Variants in BBOX1 observed in about 807,000 individuals in gnomAD.
BBOX1 encodes gamma-butyrobetaine hydroxylase 1.
BBOX1 carries 35 observed loss-of-function variants against 41.6 expected under a neutral mutation model. The ratio of observed to expected loss-of-function variants is 0.84; its 90% confidence interval spans 0.64 to 1.11. The LOEUF (loss-of-function observed/expected upper bound fraction) is 1.11, where lower values mean the gene tolerates loss of function less well. BBOX1 is among the 50% of genes most tolerant of loss of function. The probability of loss-of-function intolerance (pLI) is 0.00; values close to 1 mark genes in which losing one functional copy is unlikely to be tolerated. For synonymous variants in BBOX1, 163 were observed against 154.7 expected (o/e 1.05, Z -0.40); for missense variants, 458 against 460.6 (o/e 0.99, Z 0.05).
intron 4 of BBOX1, among the ~76,000 whole-genome samples, chr11:27,071,064 A>T (rs1256727496): frequency 2.0e-5 from 3 of 152,064 alleles, no homozygotes; most frequent in Non-Finnish European, 4.4e-5. Context: ...TTCTTGCCTG[A>T]CAATTATTCT....
At chr11:27,093,672 TG>T (rs1371321440) in intron 5 of BBOX1, among the ~76,000 whole-genome samples, 1 of 132,182 alleles carries the variant, frequency 7.6e-6, no homozygotes, top group African/African-American at 3.7e-5. Flanking sequence ...ATTATTTATT[TG>T]TTTTTTTACA....
chr11:27,096,189 A>T (rs1858432815), intron 5 of BBOX1, among the ~76,000 whole-genome samples: 1 of 151,948 alleles, frequency 6.6e-6, no homozygotes, highest in Non-Finnish European at 1.5e-5. Context: ...GATGTGCACA[A>T]AATGGCATTT....
At chr11:27,117,717 T>C (rs1859317979) in intron 6 of BBOX1, among the ~76,000 whole-genome samples, 1 of 152,018 alleles carries the variant, frequency 6.6e-6, no homozygotes, top group Non-Finnish European at 1.5e-5. Flanking sequence ...ACCAAATGAC[T>C]TCATAAATGT....
At position 27,093,159 on chromosome 11, in the gene BBOX1, A is replaced by T. The variant is rs1419804192; in HGVS notation, c.335-9A>T. ...TCCCATCTGATTTCTTCATTTTATC[A>T]ATTCACAGAATGCCAATACTGGGGC... On this transcript the variant is annotated splice_polypyrimidine_tract_variant and intron_variant, in intron 4 of 8. Transcript: ENST00000263182. 6.2e-7 allele frequency: 1 copy of T among 1,610,668 alleles called. No individual in the cohort carries two copies. Among genetic ancestry groups the T allele is most frequent in the East Asian group, 2.2e-5 (1 of 44,786 alleles).
At chr11:27,125,616 C>T (rs1172421158) in intron 7 of BBOX1, 38 bp from the exon 8 acceptor site, 1 of 1,409,768 alleles carries the variant, frequency 7.1e-7, no homozygotes. Flanking sequence ...ATAGATATTT[C>T]ATGAATTATA....
At chr11:27,080,303 T>G (rs1387264654) in intron 4 of BBOX1, among the ~76,000 whole-genome samples, 1 of 152,086 alleles carries the variant, frequency 6.6e-6, no homozygotes, top group Non-Finnish European at 1.5e-5. Context: ...CACAGCAATT[T>G]GTATGGGTCC....
Position 27,127,667 on chromosome 11 carries a change from T to C in BBOX1, c.*214T>C, listed in dbSNP as rs1369624026. On this transcript the variant is annotated 3_prime_UTR_variant, in exon 9 of 9. Transcript: ENST00000263182. Reference sequence around the variant, plus strand: ...TCTTTTGCAAATAAAGCATCCTTTCTGCTCTGTTGCATGCCTGCTCTAATT... The same window carrying C: ...TCTTTTGCAAATAAAGCATCCTTTCCGCTCTGTTGCATGCCTGCTCTAATT... 2 of 528,022 alleles carry C rather than the reference T, an allele frequency of 3.8e-6. No individual in the cohort carries two copies. Among genetic ancestry groups the C allele is most frequent in the Non-Finnish European group, 6.4e-6 (2 of 311,214 alleles). The allele number at this position is 528,022 out of a possible 1,614,324, so 32.7% of individuals were successfully genotyped here. A position where few individuals can be genotyped will look rare whatever the true frequency, so the allele number is the denominator to read the frequency against.
chr11:27,087,349 G>A (rs1212133824), intron 4 of BBOX1, among the ~76,000 whole-genome samples: 1 of 152,040 alleles, frequency 6.6e-6, no homozygotes, highest in Non-Finnish European at 1.5e-5. Flanking sequence ...ACTCTGATCA[G>A]TCAGCAACCA....
intron 6 of BBOX1, 25 bp downstream of exon 6, chr11:27,115,582 C>A (rs1439462581): frequency 6.4e-7 from 1 of 1,569,988 alleles, no homozygotes; most frequent in Non-Finnish European, 8.7e-7. Context: ...ACATATTTTC[C>A]ACAAAGCATG....
chr11:27,084,927 G>T (rs1297923221), intron 4 of BBOX1, among the ~76,000 whole-genome samples: 1 of 151,998 alleles, frequency 6.6e-6, no homozygotes, highest in Non-Finnish European at 1.5e-5. Flanking sequence ...AATTAGGAAG[G>T]GTGGTTCATA....
intron 4 of BBOX1, among the ~76,000 whole-genome samples, chr11:27,061,566 A>G (rs1359945064): frequency 1.3e-5 from 2 of 152,214 alleles, no homozygotes; most frequent in Admixed American, 6.5e-5. Context: ...GAGCATGCAA[A>G]CAAACTCAGT....
At chr11:27,074,105 C>G (rs900067273) in intron 4 of BBOX1, among the ~76,000 whole-genome samples, 1 of 151,984 alleles carries the variant, frequency 6.6e-6, no homozygotes, top group Non-Finnish European at 1.5e-5. Context: ...CTCTTTCTCT[C>G]CTGACACCAT....
At chr11:27,043,906 A>C (rs551487678) in intron 2 of BBOX1, among the ~76,000 whole-genome samples, 7 of 152,050 alleles carry the variant, frequency 4.6e-5, no homozygotes, top group Non-Finnish European at 5.9e-5. Context: ...ATAAACATAC[A>C]TGTGCACGTG....
At chr11:27,106,864 AG>A (rs1446899654) in intron 5 of BBOX1, among the ~76,000 whole-genome samples, 2 of 152,214 alleles carry the variant, frequency 1.3e-5, no homozygotes, top group Non-Finnish European at 2.9e-5. Flanking sequence ...CAAATATAAA[AG>A]AACAGAAATT....
intron 4 of BBOX1, among the ~76,000 whole-genome samples, chr11:27,083,016 C>A (rs1006682919): frequency 9.9e-5 from 15 of 152,234 alleles, no homozygotes; most frequent in African/African-American, 3.6e-4. Context: ...AAATGTGTGT[C>A]TCTCCTTTCA....
At position 27,125,799 on chromosome 11, in the gene BBOX1, T is replaced by C. The variant is rs780523558; in HGVS notation, c.982T>C (p.Phe328Leu). 32 of 1,610,810 alleles carry C rather than the reference T, an allele frequency of 2.0e-5. No homozygotes were observed. Among genetic ancestry groups the C allele is most frequent in the Non-Finnish European group, 2.7e-5 (32 of 1,179,046 alleles). Residue 328 changes from phenylalanine (F) to leucine (L), a missense_variant, in exon 8 of 9, where the codon TTT becomes CTT. Coordinates refer to ENST00000263182, the MANE Select transcript of BBOX1 (RefSeq NM_003986.3). Reference sequence around the variant, plus strand: ...CCTCATGAACAGCAAAGAATCCAAGTTTACCTTCAAGATGAATCCAGGTCA... The same window carrying C: ...CCTCATGAACAGCAAAGAATCCAAGCTTACCTTCAAGATGAATCCAGGTCA... The part of the protein sequence containing the change: ...VDLMNSKESK[F>L]TFKMNPGDVI...
rs974238451 is a variant in BBOX1 at position 27,055,603 on chromosome 11, T to C, written c.173T>C (p.Leu58Pro). 1.9e-6 allele frequency: 3 copies of C among 1,614,198 alleles called. No homozygotes were observed. The highest frequency in any genetic ancestry group is 2.5e-6 in the Non-Finnish European group (3 of 1,180,020). Residue 58 changes from leucine to proline, a missense_variant, in exon 3 of 9, where the codon CTT (leucine) becomes CCT (proline). Coordinates refer to ENST00000263182, the MANE Select transcript of BBOX1 (RefSeq NM_003986.3). Reference protein sequence around the residue: ...AKARKLLVEALDVNIGIKGLI... With the variant: ...AKARKLLVEAPDVNIGIKGLI... ...GCACGGAAACTTCTAGTGGAAGCTC[T>C]TGATGTGAACATTGGAATTAAAGGC...
intron 2 of BBOX1, chr11:27,055,162 G>T (rs1856940556): frequency 3.1e-6 from 1 of 326,886 alleles, no homozygotes; most frequent in African/African-American, 2.1e-5. Flanking sequence ...CTTTTCATTT[G>T]GATCCTGACT....
intron 4 of BBOX1, among the ~76,000 whole-genome samples, chr11:27,061,539 C>T (rs1376666784): frequency 2.0e-5 from 3 of 152,146 alleles, no homozygotes; most frequent in Non-Finnish European, 2.9e-5. Context: ...TGCAGATTTT[C>T]AAACATTTAT....
Sources: allele counts gnomAD v4.1 joint callset (sites outside exome capture counted in the v4.1 genomes callset), GRCh38; gene constraint gnomAD v4.1.1; transcripts MANE v1.5; gene names NCBI Gene and HGNC (gene_info 2026-07-23, HGNC 2026-07-21).